Variants in MEGF9 observed in about 807,000 individuals in gnomAD.
MEGF9 encodes multiple EGF like domains 9, also known as multiple epidermal growth factor-like domains protein 9.
A neutral mutation model predicts 46.8 loss-of-function variants in MEGF9; 6 were observed. The ratio of observed to expected loss-of-function variants is 0.13; its 90% confidence interval spans 0.07 to 0.25. The LOEUF is 0.25. Ranked by LOEUF, MEGF9 falls within the 10% of genes least tolerant of loss-of-function variation. The pLI is 1.00. For synonymous variants in MEGF9, 302 were observed against 330.7 expected (o/e 0.91, Z 0.94); for missense variants, 683 against 792.4 (o/e 0.86, Z 1.66).
chr9:120,626,049 T>C (rs970461134), intron 2 of MEGF9, among the ~76,000 whole-genome samples: 3 of 152,000 alleles, frequency 2.0e-5, no homozygotes, highest in African/African-American at 7.2e-5. Context: ...AGACCACTTA[T>C]GCTTATCCAT....
chr9:120,609,968 A>G (rs1189746099), intron 4 of MEGF9, among the ~76,000 whole-genome samples: 1 of 152,148 alleles, frequency 6.6e-6, no homozygotes, highest in Non-Finnish European at 1.5e-5. Context: ...AAAGTATACA[A>G]TTCAATGGTT....
At chr9:120,611,862 A>AG (rs1564411685) in intron 4 of MEGF9, among the ~76,000 whole-genome samples, 4,050 of 132,498 alleles carry the variant, frequency 0.031, 105 homozygotes, top group African/African-American at 0.074. Flanking sequence ...GAAGGAAGGA[A>AG]GAAAGAGAGA....
At chr9:120,678,079 A>AGTT (rs1008334113) in intron 1 of MEGF9, among the ~76,000 whole-genome samples, 1 of 152,090 alleles carries the variant, frequency 6.6e-6, no homozygotes, top group African/African-American at 2.4e-5. Flanking sequence ...AATTACCTCT[A>AGTT]GTTGTTGTTG....
At chr9:120,691,612 C>A in intron 1 of MEGF9, 1 of 272,042 alleles carries the variant, frequency 3.7e-6, no homozygotes, top group South Asian at 3.1e-5. Flanking sequence ...ATTGCTATTC[C>A]AATGACAATT....
chr9:120,711,596 C>T (rs2043953311), intron 1 of MEGF9, among the ~76,000 whole-genome samples: 1 of 151,856 alleles, frequency 6.6e-6, no homozygotes, highest in Non-Finnish European at 1.5e-5. Context: ...TATTTTTTTG[C>T]CAGTAGGGGT....
At chr9:120,663,718 T>C (rs567225830) in intron 1 of MEGF9, among the ~76,000 whole-genome samples, 1 of 152,312 alleles carries the variant, frequency 6.6e-6, no homozygotes, top group Non-Finnish European at 1.5e-5. Context: ...AACAGCTCAT[T>C]CAATTGCCTA....
intron 1 of MEGF9, among the ~76,000 whole-genome samples, chr9:120,672,109 TA>T (rs1446492686): frequency 6.6e-6 from 1 of 152,152 alleles, no homozygotes; most frequent in Non-Finnish European, 1.5e-5. Context: ...CTCAGCCTAA[TA>T]AAGGGTATCT....
chr9:120,700,293 G>T (rs1303276115), intron 1 of MEGF9, among the ~76,000 whole-genome samples: 1 of 152,176 alleles, frequency 6.6e-6, no homozygotes, highest in Non-Finnish European at 1.5e-5. Context: ...CCCTGCCTTT[G>T]CGGACAAGTT....
At chr9:120,608,707 A>G (rs1359329) in intron 4 of MEGF9, among the ~76,000 whole-genome samples, 118,841 of 152,118 alleles carry the variant, frequency 0.78, 47,198 homozygotes, top group Admixed American at 0.88. Context: ...TGTCCTCAGT[A>G]TCTTCCCTTC....
In MEGF9 at chr9:120,605,133, G is replaced by A; in HGVS notation, c.*57C>T. The A allele has an allele frequency of 2.0e-6, 3 of 1,514,832 alleles. No homozygotes were observed. The highest frequency in any genetic ancestry group is 2.7e-6 in the Non-Finnish European group (3 of 1,124,304). The allele number at this position is 1,514,832 out of a possible 1,614,324, so 93.8% of individuals were successfully genotyped here. A position where few individuals can be genotyped will look rare whatever the true frequency, so the allele number is the denominator to read the frequency against. Reference sequence around the variant, plus strand: ...CTAGCCAGGCTTTGTCTGGCCCAGGGGCTGACTCTGTCTTAGCAAGCACTG... The same window carrying A: ...CTAGCCAGGCTTTGTCTGGCCCAGGAGCTGACTCTGTCTTAGCAAGCACTG... On this transcript the variant is annotated 3_prime_UTR_variant, in exon 6 of 6. Transcript: ENST00000373930. This position sits in a 1 kb window ranked among gnomAD's most constrained non-coding sequence, Gnocchi z 4.0.
At chr9:120,658,714 C>T (rs2043688547) in intron 2 of MEGF9, among the ~76,000 whole-genome samples, 1 of 152,160 alleles carries the variant, frequency 6.6e-6, no homozygotes. Context: ...AGCCAAGTGC[C>T]TCACATAAGG....
intron 1 of MEGF9, among the ~76,000 whole-genome samples, chr9:120,679,197 C>T (rs1345490175): frequency 6.6e-6 from 1 of 152,120 alleles, no homozygotes; most frequent in African/African-American, 2.4e-5. Flanking sequence ...CGGCACTATT[C>T]ACAATAGCAA....
intron 1 of MEGF9, chr9:120,690,092 T>C (rs903435927): frequency 2.2e-6 from 1 of 450,234 alleles, no homozygotes; most frequent in Non-Finnish European, 4.6e-6. Flanking sequence ...GCTCCCTCAG[T>C]TGGAAAGCCC....
intron 1 of MEGF9, among the ~76,000 whole-genome samples, chr9:120,700,893 C>T (rs1417418533): frequency 1.3e-5 from 2 of 151,750 alleles, no homozygotes; most frequent in East Asian, 3.9e-4. Context: ...CCAGCCTGGA[C>T]AACGTGGTGA....
intron 2 of MEGF9, among the ~76,000 whole-genome samples, chr9:120,626,753 C>T (rs2043527236): frequency 6.6e-6 from 1 of 152,214 alleles, no homozygotes; most frequent in Non-Finnish European, 1.5e-5. Context: ...CATATTCCAG[C>T]TCTACTAGTG....
chr9:120,607,911 A>G lies in MEGF9; in HGVS notation c.1187T>C (p.Ile396Thr). The stretch of plus-strand genomic sequence containing the variant: ...GCCGTGACATTGGCACTTTCTACAG[A>G]TGCTGTCAAAATTGTAATAGCCATT... Reference protein sequence around the residue: ...CENGYYNFDSICRKCQCHGHV... With the variant: ...CENGYYNFDSTCRKCQCHGHV... The change falls in exon 5 of 6, where the codon ATC becomes ACC. Residue 396 changes from isoleucine to threonine, a missense_variant. Ile to Thr is a moderately conservative substitution (Grantham distance 89, BLOSUM62 -1). Around this residue, in one of 2 missense-constraint regions of MEGF9, gnomAD observed 313 missense variants for 421.1 expected, o/e 0.74. Transcript: ENST00000373930. 1.2e-6 allele frequency: 2 copies of G among 1,613,998 alleles called. No individual in the cohort carries two copies. The highest frequency in any genetic ancestry group is 1.7e-6 in the Non-Finnish European group (2 of 1,179,888).
At chr9:120,673,218 G>T (rs2043757970) in intron 1 of MEGF9, among the ~76,000 whole-genome samples, 1 of 151,670 alleles carries the variant, frequency 6.6e-6, no homozygotes, top group Non-Finnish European at 1.5e-5. Context: ...CATGAAAAAA[G>T]AAACAAAAAG....
intron 2 of MEGF9, among the ~76,000 whole-genome samples, chr9:120,640,489 G>T (rs911880888): frequency 6.6e-6 from 1 of 151,576 alleles, no homozygotes; most frequent in Non-Finnish European, 1.5e-5. Context: ...GGAATCAGGG[G>T]GGTTTTATGT....
chr9:120,644,312 A>G (rs1408810682), intron 2 of MEGF9, among the ~76,000 whole-genome samples: 4 of 152,182 alleles, frequency 2.6e-5, no homozygotes, highest in Non-Finnish European at 5.9e-5. Context: ...TCTTGTCACA[A>G]TTAGAATGAG....
Sources: allele counts gnomAD v4.1 joint callset (sites outside exome capture counted in the v4.1 genomes callset), GRCh38; gene constraint gnomAD v4.1.1; regional missense constraint gnomAD v4.1.1; non-coding constraint Gnocchi (gnomAD v3.1); transcripts MANE v1.5; gene names NCBI Gene and HGNC (gene_info 2026-07-23, HGNC 2026-07-21).